The following DIAPH3 variants were observed in gnomAD, a reference collection of about 807,000 sequenced individuals.
DIAPH3 encodes the protein diaphanous related formin 3.
Under a neutral mutation model 144.3 loss-of-function variants are expected in DIAPH3, and 117 were observed. The ratio of observed to expected loss-of-function variants is 0.81; its 90% CI spans 0.70 to 0.95. The LOEUF is 0.95. Ranked by LOEUF, DIAPH3 falls within the 40% of genes least tolerant of loss-of-function variation. DIAPH3 has a pLI of 0.00. For synonymous variants in DIAPH3, 519 were observed against 488.9 expected (o/e 1.06, Z -0.81); for missense variants, 1,421 against 1,412.7 (o/e 1.01, Z -0.09).
chr13:59,895,125 G>A (rs2046013209), intron 20 of DIAPH3, among the ~76,000 whole-genome samples: 1 of 152,010 alleles, frequency 6.6e-6, no homozygotes, highest in Non-Finnish European at 1.5e-5. Context: ...TACTGTAAGT[G>A]GGACAGTATA....
chr13:59,828,114 C>T (rs545117486), intron 24 of DIAPH3, among the ~76,000 whole-genome samples: 2 of 152,090 alleles, frequency 1.3e-5, no homozygotes, highest in Non-Finnish European at 2.9e-5. Flanking sequence ...CCGATTTACT[C>T]AGCATATAGT....
At chr13:60,121,394 C>T (rs925009082) in intron 2 of DIAPH3, among the ~76,000 whole-genome samples, 1 of 151,952 alleles carries the variant, frequency 6.6e-6, no homozygotes, top group African/African-American at 2.4e-5. Flanking sequence ...TAGGTGGGTA[C>T]AGAACGATAG....
At chr13:60,093,841 G>GT in intron 3 of DIAPH3, 109 bp from the exon 4 acceptor site, 1 of 759,262 alleles carries the variant, frequency 1.3e-6, no homozygotes, top group East Asian at 2.7e-5. Flanking sequence ...AGCATTAATT[G>GT]TTTTGGAATG....
intron 7 of DIAPH3, 73 bp from the exon 8 acceptor site, chr13:60,010,742 G>T: frequency 6.9e-7 from 1 of 1,457,370 alleles, no homozygotes; most frequent in Non-Finnish European, 9.4e-7. Flanking sequence ...AGGAAATGTA[G>T]TTATTAAAAA....
At chr13:60,108,148 A>G (rs933170847) in intron 3 of DIAPH3, among the ~76,000 whole-genome samples, 4 of 152,204 alleles carry the variant, frequency 2.6e-5, no homozygotes, top group Admixed American at 2.6e-4. Context: ...ATGATACTGC[A>G]TGGATATAAT....
intron 27 of DIAPH3, among the ~76,000 whole-genome samples, chr13:59,753,796 C>A (rs1427757904): frequency 1.3e-5 from 2 of 152,130 alleles, no homozygotes; most frequent in Non-Finnish European, 2.9e-5. Flanking sequence ...CCTGAAAGCA[C>A]TCTGAAAACT....
At position 59,801,984 on chromosome 13, in the gene DIAPH3, A is replaced by G. The variant is rs142284715; in HGVS notation, c.3163+8804T>C. ...TTTTTTCCCCCTCTTTGAGATAATC[A>G]CTTTAGACTTTGAGCAACCTTCACG... On this transcript the variant is annotated intron_variant, in intron 25 of 27. Transcript: ENST00000400324. Among the ~76,000 whole-genome samples the G allele has an allele frequency of 1.4e-4, 21 of 152,242 alleles. No individual in the cohort carries two copies. In the East Asian group the frequency reaches 4.1e-3, roughly 29 times the overall value.
In DIAPH3 at chr13:59,991,271, T is replaced by C; in HGVS notation, c.1248A>G (p.Glu416=). The C allele has an allele frequency of 6.3e-7, 1 of 1,580,042 alleles. No homozygotes were observed. Among genetic ancestry groups the C allele is most frequent in the South Asian group, 1.1e-5 (1 of 90,398 alleles). The change falls in exon 12 of 28, where the codon GAA becomes GAG. Residue 416 remains glutamate (E), a synonymous_variant. Transcript: ENST00000400324. ...ACACCATGTTGTAAACATCATATGC[T>C]TCAGTGAGTTGATTAAGGAATATAT... ...RLEDIRAELD[E]AYDVYNMVWS... is the part of the protein sequence containing the mutation.
intron 27 of DIAPH3, among the ~76,000 whole-genome samples, chr13:59,713,337 C>T (rs878873199): frequency 1.3e-5 from 2 of 151,864 alleles, no homozygotes; most frequent in African/African-American, 2.4e-5. Context: ...GGACTAAAAG[C>T]ATGTGCTGCC....
chr13:59,789,548 A>G (rs2039221141), intron 25 of DIAPH3, among the ~76,000 whole-genome samples: 1 of 152,208 alleles, frequency 6.6e-6, no homozygotes, highest in East Asian at 1.9e-4. Context: ...AAGAAGGGGA[A>G]GGAGCTAGAG....
chr13:59,899,570 G>A (rs759920377), intron 20 of DIAPH3, among the ~76,000 whole-genome samples: 32 of 152,138 alleles, frequency 2.1e-4, no homozygotes, highest in Non-Finnish European at 3.7e-4. Context: ...TAGAAGATGA[G>A]GTAAGAAATA....
At chr13:60,053,465 G>A (rs1224732108) in intron 4 of DIAPH3, among the ~76,000 whole-genome samples, 2 of 152,040 alleles carry the variant, frequency 1.3e-5, no homozygotes, top group African/African-American at 4.8e-5. Context: ...AAAGTACATA[G>A]ATTCCTCTTA....
chr13:59,812,324 C>T (rs2040529846), intron 24 of DIAPH3, among the ~76,000 whole-genome samples: 1 of 151,826 alleles, frequency 6.6e-6, no homozygotes. Flanking sequence ...ATCCATCCAT[C>T]CTTCCATCTA....
intron 25 of DIAPH3, among the ~76,000 whole-genome samples, chr13:59,797,081 A>G (rs1239429062): frequency 6.6e-6 from 1 of 152,160 alleles, no homozygotes; most frequent in African/African-American, 2.4e-5. Flanking sequence ...ACCACTATTA[A>G]CAGAGAATAG....
At chr13:60,122,183 T>C (rs1459583820) in intron 2 of DIAPH3, among the ~76,000 whole-genome samples, 1 of 152,192 alleles carries the variant, frequency 6.6e-6, no homozygotes, top group Non-Finnish European at 1.5e-5. Context: ...TCCACCACCT[T>C]ACACTGTATG....
intron 4 of DIAPH3, among the ~76,000 whole-genome samples, chr13:60,069,751 G>A (rs552585929): frequency 1.3e-5 from 2 of 152,162 alleles, no homozygotes; most frequent in East Asian, 1.9e-4. Flanking sequence ...CCTACGGCTC[G>A]TTATTGTCAA....
intron 27 of DIAPH3, among the ~76,000 whole-genome samples, chr13:59,692,352 T>C (rs1430330327): frequency 6.6e-6 from 1 of 151,876 alleles, no homozygotes; most frequent in Non-Finnish European, 1.5e-5. Flanking sequence ...TCATTTCTAG[T>C]TGTATCCCTT....
chr13:60,053,528 C>T (rs1178790243), intron 4 of DIAPH3, among the ~76,000 whole-genome samples: 1 of 152,004 alleles, frequency 6.6e-6, no homozygotes, highest in African/African-American at 2.4e-5. Flanking sequence ...ATACCCTTTC[C>T]CATACCATTT....
At chr13:59,903,186 C>T (rs902758807) in intron 20 of DIAPH3, among the ~76,000 whole-genome samples, 1 of 152,108 alleles carries the variant, frequency 6.6e-6, no homozygotes, top group Non-Finnish European at 1.5e-5. Context: ...ATCAGAGTAA[C>T]TGTATGTCTT....
Sources: allele counts gnomAD v4.1 joint callset (sites outside exome capture counted in the v4.1 genomes callset), GRCh38; gene constraint gnomAD v4.1.1; transcripts MANE v1.5; gene names NCBI Gene and HGNC (gene_info 2026-07-23, HGNC 2026-07-21).